The following KIAA1671 variants were observed in gnomAD, a reference collection of about 807,000 sequenced individuals.
The protein encoded by KIAA1671 is uncharacterized protein KIAA1671.
Under a neutral mutation model 131.2 loss-of-function variants are expected in KIAA1671, and 52 were observed. The ratio of observed to expected loss-of-function variants is 0.40; its 90% confidence interval spans 0.32 to 0.50. KIAA1671 has a LOEUF of 0.50. KIAA1671 is among the 20% of genes least tolerant of loss of function. KIAA1671 has a pLI of 0.73. For missense variants in KIAA1671, 2,360 were observed against 2,364.2 expected (o/e 1.00, Z 0.04); for synonymous variants, 1,003 against 961.6 (o/e 1.04, Z -0.80).
In KIAA1671 at chr22:25,181,656, A is replaced by G. The variant is rs765167933; in HGVS notation, c.5075-43A>G. On this transcript the variant is annotated intron_variant, in intron 9 of 12. Transcript: ENST00000358431. Reference sequence around the variant, plus strand: ...TATCTGGCATGTAGGACCTCAATACATGGCAGCTGCTGATGAATTCAGTGC... The same window carrying G: ...TATCTGGCATGTAGGACCTCAATACGTGGCAGCTGCTGATGAATTCAGTGC... 2.6e-6 allele frequency: 4 copies of G among 1,549,614 alleles called. No individual in the cohort carries two copies. The African/African-American group carries it at 4.1e-5, about 16-fold the overall frequency.
chr22:25,081,395 G>A (rs753138298), intron 6 of KIAA1671, among the ~76,000 whole-genome samples: 1 of 152,160 alleles, frequency 6.6e-6, no homozygotes, highest in Non-Finnish European at 1.5e-5. Context: ...CTCACCTGAC[G>A]ATGAGAAACT....
intron 7 of KIAA1671, 136 bp from the exon 8 acceptor site, chr22:25,174,104 T>TG (rs1272254271): frequency 1.0e-6 from 1 of 968,282 alleles, no homozygotes; most frequent in Non-Finnish European, 1.5e-6. Context: ...GGTCTTCTGC[T>TG]GGGATGTTCT....
chr22:25,161,117 CCTAA>C (rs1933428656), intron 6 of KIAA1671, among the ~76,000 whole-genome samples: 1 of 152,036 alleles, frequency 6.6e-6, no homozygotes, highest in African/African-American at 2.4e-5. Flanking sequence ...TTTCTCCCTT[CCTAA>C]CTTTCCTTCT....
Position 25,041,236 on chromosome 22 carries a change from C to G in KIAA1671, c.4106C>G (p.Thr1369Ser), listed in dbSNP as rs1926907325. The G allele has an allele frequency of 6.4e-7, 1 of 1,551,638 alleles. No homozygotes were observed. The highest frequency in any genetic ancestry group is 8.7e-7 in the Non-Finnish European group (1 of 1,147,022). Reference sequence around the variant, plus strand: ...AGGGTGTCACCCAAATCGCCCCCCACTGACCAGAAGAAAGGGACCCCAAGG... The same window carrying G: ...AGGGTGTCACCCAAATCGCCCCCCAGTGACCAGAAGAAAGGGACCCCAAGG... ...GVRVSPKSPP[T>S]DQKKGTPRKS... The change falls in exon 5 of 13, where the codon ACT (threonine) becomes AGT (serine). Residue 1369 changes from threonine to serine, a missense_variant. Around this residue, in one of 3 missense-constraint regions of KIAA1671, gnomAD observed 1,161 missense variants for 1,204.7 expected, o/e 0.96. Coordinates refer to ENST00000358431, the MANE Select transcript of KIAA1671 (RefSeq NM_001145206.2).
chr22:25,034,203 G>A (rs1047197462), intron 4 of KIAA1671, among the ~76,000 whole-genome samples: 1 of 151,816 alleles, frequency 6.6e-6, no homozygotes. Flanking sequence ...CCACTACCAC[G>A]CCTGGCTAAT....
At chr22:25,184,935 G>A in intron 10 of KIAA1671, 42 bp from the exon 11 acceptor site, 1 of 1,549,792 alleles carries the variant, frequency 6.5e-7, no homozygotes, top group Non-Finnish European at 8.7e-7. Flanking sequence ...CCCTTCCCCA[G>A]ACAAAGGGCA....
chr22:25,118,234 T>C (rs2330984), intron 6 of KIAA1671, among the ~76,000 whole-genome samples: 130,194 of 152,020 alleles, frequency 0.86, 56,319 homozygotes, highest in African/African-American at 0.96. Flanking sequence ...CTTCTGGTGG[T>C]TCCAGGCATT....
intron 8 of KIAA1671, chr22:25,176,746 G>A (rs186535035): frequency 6.6e-6 from 1 of 152,274 alleles, no homozygotes; most frequent in East Asian, 1.9e-4. Flanking sequence ...CTTTCACTGG[G>A]GGGGCCCTCA....
At chr22:24,988,759 G>A (rs1923688196) in intron 1 of KIAA1671, among the ~76,000 whole-genome samples, 1 of 150,292 alleles carries the variant, frequency 6.7e-6, no homozygotes, top group Admixed American at 6.6e-5. Context: ...AAAAAAATGG[G>A]TTTGGGTGGT....
chr22:24,962,553 T>C (rs1922070701), intron 1 of KIAA1671, among the ~76,000 whole-genome samples: 1 of 152,226 alleles, frequency 6.6e-6, no homozygotes, highest in South Asian at 2.1e-4. Flanking sequence ...TTAACCACTC[T>C]GGGCCTCAGT....
intron 6 of KIAA1671, among the ~76,000 whole-genome samples, chr22:25,093,746 C>CTCTTTCTCTCTCTCTCTCTG (rs1930180915): frequency 3.3e-5 from 4 of 121,334 alleles, no homozygotes; most frequent in Non-Finnish European, 5.1e-5. Flanking sequence ...CACTCTCTCT[C>CTCTTTCTCTCTCTCTCTCTG]TCTCTCTCTC....
chr22:25,181,705 A>T lies in KIAA1671; in HGVS notation c.5081A>T (p.Lys1694Ile). The T allele has an allele frequency of 6.4e-7, 1 of 1,551,588 alleles. No individual in the cohort carries two copies. Among genetic ancestry groups the T allele is most frequent in the Non-Finnish European group, 8.7e-7 (1 of 1,146,932 alleles). Residue 1694 changes from lysine to isoleucine, a missense_variant, in exon 10 of 13, where the codon AAA (lysine) becomes ATA (isoleucine). By Grantham distance (102) the Lys-to-Ile change is moderately radical (BLOSUM62 -3). Transcript: ENST00000358431. ...GCCCTTTTCTTTGCAACAGAGGAGA[A>T]ATCACCCAGGAAGGAGGAGTCGGAT... ...TWMFKDSTEE[K>I]SPRKEESDEE... is the part of the protein sequence containing the mutation.
At chr22:24,990,881 G>A (rs1189225544) in intron 1 of KIAA1671, among the ~76,000 whole-genome samples, 2 of 151,040 alleles carry the variant, frequency 1.3e-5, no homozygotes, top group South Asian at 2.1e-4. Flanking sequence ...TGGGGAAACC[G>A]AGGCTCGGGT....
intron 6 of KIAA1671, among the ~76,000 whole-genome samples, chr22:25,098,902 G>C (rs1212443796): frequency 6.6e-6 from 1 of 152,198 alleles, no homozygotes; most frequent in Non-Finnish European, 1.5e-5. Context: ...GAGAAGCAAG[G>C]TATGTGAGAA....
intron 6 of KIAA1671, among the ~76,000 whole-genome samples, chr22:25,166,692 CTT>C (rs762314841): frequency 6.6e-6 from 1 of 152,206 alleles, no homozygotes; most frequent in Non-Finnish European, 1.5e-5. Flanking sequence ...GAGCTTAACA[CTT>C]TCTGAAGATT....
At chr22:25,171,122 G>A (rs1176534674) in intron 7 of KIAA1671, among the ~76,000 whole-genome samples, 184 bp downstream of exon 7, 2 of 152,196 alleles carry the variant, frequency 1.3e-5, no homozygotes, top group South Asian at 2.1e-4. Context: ...ATTATGGGCC[G>A]GGTGCGGTGG....
At chr22:25,051,772 CA>C (rs1927547123) in intron 6 of KIAA1671, 2 of 152,252 alleles carry the variant, frequency 1.3e-5, no homozygotes, top group Non-Finnish European at 2.9e-5. Flanking sequence ...ATTGGTCATA[CA>C]TGCATTTTGT....
intron 1 of KIAA1671, among the ~76,000 whole-genome samples, chr22:24,965,754 A>AG (rs1485113442): frequency 6.6e-6 from 1 of 151,744 alleles, no homozygotes; most frequent in African/African-American, 2.4e-5. Flanking sequence ...AAAAAAAAAA[A>AG]AAAAAAAGAA....
intron 1 of KIAA1671, among the ~76,000 whole-genome samples, chr22:24,978,213 C>A (rs1923013522): frequency 6.6e-6 from 1 of 152,102 alleles, no homozygotes; most frequent in South Asian, 2.1e-4. Context: ...TAATTTGAAT[C>A]ACGGGGGCGG....
Sources: allele counts gnomAD v4.1 joint callset (sites outside exome capture counted in the v4.1 genomes callset), GRCh38; gene constraint gnomAD v4.1.1; regional missense constraint gnomAD v4.1.1; transcripts MANE v1.5; gene names NCBI Gene and HGNC (gene_info 2026-07-23, HGNC 2026-07-21).